Variants in CYP2J2 observed in about 807,000 individuals in gnomAD.
CYP2J2 encodes the protein cytochrome P450 2J2.
CYP2J2 carries 41 observed loss-of-function variants against 48.8 expected under a neutral mutation model. The ratio of observed to expected loss-of-function variants is 0.84; its 90% CI spans 0.66 to 1.09. The LOEUF is 1.09. CYP2J2 is among the 50% of genes least tolerant of loss of function. The pLI is 0.00. For missense variants in CYP2J2, 644 were observed against 617.3 expected (o/e 1.04, Z -0.46); for synonymous variants, 221 against 227.1 (o/e 0.97, Z 0.24).
chr1:59,915,328 G>A (rs953952732), intron 2 of CYP2J2, among the ~76,000 whole-genome samples: 4 of 152,102 alleles, frequency 2.6e-5, no homozygotes, highest in African/African-American at 9.7e-5. Context: ...CCCACTTGAG[G>A]AGAAATACCC....
intron 7 of CYP2J2, chr1:59,904,521 C>G (rs1166677732): frequency 5.6e-6 from 1 of 178,074 alleles, no homozygotes; most frequent in Non-Finnish European, 1.2e-5. Flanking sequence ...GATGTTCTAC[C>G]AAAACAAAGA....
At chr1:59,963,633 T>C in the CYP2J2 span, among the ~76,000 whole-genome samples, 1 of 152,208 alleles carries the variant, frequency 6.6e-6, no homozygotes, top group Admixed American at 6.5e-5. Flanking sequence ...TTGTAATTAA[T>C]GCTTCTATGA....
chr1:59,969,176 A>T, the CYP2J2 span, among the ~76,000 whole-genome samples: 1 of 152,228 alleles, frequency 6.6e-6, no homozygotes, highest in Non-Finnish European at 1.5e-5. Context: ...GAGAAAGAAC[A>T]AAACTTCCAC....
the CYP2J2 span, among the ~76,000 whole-genome samples, chr1:59,946,383 A>G: frequency 1.3e-5 from 2 of 152,142 alleles, no homozygotes; most frequent in Non-Finnish European, 2.9e-5. Context: ...CCTCAATAAG[A>G]ATTTTTTCTG....
At chr1:59,895,788 T>C (rs542202688) in intron 8 of CYP2J2, among the ~76,000 whole-genome samples, 20 of 152,350 alleles carry the variant, frequency 1.3e-4, no homozygotes, top group African/African-American at 4.6e-4. Flanking sequence ...CTCTTGACCA[T>C]ATTATTAATT....
At chr1:59,904,023 T>C (rs1022626964) in intron 7 of CYP2J2, among the ~76,000 whole-genome samples, 1 of 152,226 alleles carries the variant, frequency 6.6e-6, no homozygotes, top group Non-Finnish European at 1.5e-5. Context: ...CTCCTTTCTT[T>C]CCCTTCCCAA....
In CYP2J2 at chr1:59,909,867, G is replaced by A; in HGVS notation, c.778C>T (p.His260Tyr). 6.2e-7 allele frequency: 1 copy of A among 1,612,400 alleles called. No individual in the cohort carries two copies. Among genetic ancestry groups the A allele is most frequent in the Non-Finnish European group, 8.5e-7 (1 of 1,179,170 alleles). ...TCCTTTCTGTGTTTGTCAATCATAT[G>A]AGAAACAAACAATTTCAGTTTTTTC... ...NWKKLKLFVS[H>Y]MIDKHRKDWN... is the part of the protein sequence containing the mutation. The change falls in exon 5 of 9, where the codon CAT (histidine) becomes TAT (tyrosine). Residue 260 changes from histidine to tyrosine, a missense_variant. Coordinates refer to ENST00000371204, the MANE Select transcript of CYP2J2 (RefSeq NM_000775.4).
chr1:59,966,863 T>A, the CYP2J2 span, among the ~76,000 whole-genome samples: 1 of 152,190 alleles, frequency 6.6e-6, no homozygotes, highest in African/African-American at 2.4e-5. Flanking sequence ...CACATTTGAC[T>A]GAATTTGTTA....
rs142979877 is a variant in CYP2J2 at position 59,893,574 on chromosome 1, A to T, written c.*77T>A. ...AGTCACTTTCATTTTGTCCCAACACATCTGAGCAGACACCAGTGGTTTCAG... is the reference window on the plus strand; with the variant it reads ...AGTCACTTTCATTTTGTCCCAACACTTCTGAGCAGACACCAGTGGTTTCAG... On this transcript the variant is annotated 3_prime_UTR_variant, in exon 9 of 9. Transcript: ENST00000371204. The T allele has an allele frequency of 3.1e-3, 3,538 of 1,141,130 alleles. 13 individuals are homozygous for T. Among genetic ancestry groups the T allele is most frequent in the Middle Eastern group, 6.2e-3 (23 of 3,694 alleles). 70.7% of individuals were successfully genotyped at this position (1,141,130 alleles called of 1,614,324 possible). A position where few individuals can be genotyped will look rare whatever the true frequency, so the allele number is the denominator to read the frequency against.
chr1:59,903,485 C>T (rs576895118), intron 7 of CYP2J2, among the ~76,000 whole-genome samples: 10 of 152,126 alleles, frequency 6.6e-5, no homozygotes, highest in South Asian at 2.1e-4. Context: ...GGATAGACAT[C>T]GACATAAAGA....
At chr1:59,924,826 TATAA>T (rs1644550930) in intron 1 of CYP2J2, among the ~76,000 whole-genome samples, 1 of 151,870 alleles carries the variant, frequency 6.6e-6, no homozygotes, top group Non-Finnish European at 1.5e-5. Flanking sequence ...TTACATTAAA[TATAA>T]ATAGTCTACA....
intron 1 of CYP2J2, among the ~76,000 whole-genome samples, chr1:59,917,019 T>G (rs1236256964): frequency 6.6e-6 from 1 of 152,126 alleles, no homozygotes; most frequent in East Asian, 1.9e-4. Flanking sequence ...GTGCCAGGCA[T>G]GGAGGAAAGC....
In CYP2J2 at chr1:59,911,650, T is replaced by A; in HGVS notation, c.642A>T (p.Leu214Phe). The A allele has an allele frequency of 1.2e-6, 2 of 1,613,306 alleles. No homozygotes were observed. Among genetic ancestry groups the A allele is most frequent in the East Asian group, 2.2e-5 (1 of 44,858 alleles). Residue 214 changes from leucine (L) to phenylalanine (F), a missense_variant, in exon 4 of 9, where the codon TTA becomes TTT. By Grantham distance (22) the Leu-to-Phe change is conservative. Transcript: ENST00000371204. ...QDSWFQQLLK[L>F]LDEVTYLEAS... ...CCTCCAAGTATGTGACTTCATCTAGTAACTTCAGCAGCTGCTGAAACCAAC... is the reference window on the plus strand; with the variant it reads ...CCTCCAAGTATGTGACTTCATCTAGAAACTTCAGCAGCTGCTGAAACCAAC...
the CYP2J2 span, among the ~76,000 whole-genome samples, chr1:59,968,318 C>CCT: frequency 0.12 from 18,873 of 151,778 alleles, 1,589 homozygotes; most frequent in African/African-American, 0.24. Context: ...ATTCCCTTTT[C>CCT]CTCTCTCTAG....
the CYP2J2 span, among the ~76,000 whole-genome samples, chr1:59,969,199 G>A: frequency 3.9e-5 from 6 of 152,216 alleles, no homozygotes; most frequent in Non-Finnish European, 7.3e-5. Flanking sequence ...TATGAAAGGG[G>A]ATCCGAGCGG....
intron 2 of CYP2J2, 132 bp downstream of exon 2, chr1:59,915,806 C>T: frequency 2.5e-6 from 2 of 786,364 alleles, no homozygotes; most frequent in Non-Finnish European, 4.0e-6. Flanking sequence ...ATCCAGCTTT[C>T]TTTAGTGGCA....
At chr1:59,922,719 C>T (rs1453296815) in intron 1 of CYP2J2, among the ~76,000 whole-genome samples, 1 of 152,082 alleles carries the variant, frequency 6.6e-6, no homozygotes, top group African/African-American at 2.4e-5. Context: ...ATCATGACAC[C>T]AATTAACACA....
the CYP2J2 span, among the ~76,000 whole-genome samples, chr1:59,967,889 A>G: frequency 1.3e-5 from 2 of 152,244 alleles, no homozygotes; most frequent in African/African-American, 4.8e-5. Flanking sequence ...CAAAGACTCA[A>G]CTTTTTCACT....
chr1:59,938,086 T>C, the CYP2J2 span, among the ~76,000 whole-genome samples: 2 of 152,194 alleles, frequency 1.3e-5, no homozygotes, highest in Non-Finnish European at 2.9e-5. Context: ...GCCTATTTAG[T>C]TCATTTGGTG....
Sources: allele counts gnomAD v4.1 joint callset (sites outside exome capture counted in the v4.1 genomes callset), GRCh38; gene constraint gnomAD v4.1.1; transcripts MANE v1.5; gene names NCBI Gene and HGNC (gene_info 2026-07-23, HGNC 2026-07-21).